The following GRIA4 variants were observed in gnomAD, a reference collection of about 807,000 sequenced individuals.
GRIA4 encodes the protein glutamate receptor 4.
In GRIA4, 34 loss-of-function variants were observed where a neutral mutation model predicts 104.0. That is an observed-to-expected ratio of 0.33 (90% CI 0.25 to 0.44). The LOEUF (loss-of-function observed/expected upper bound fraction) is 0.44. Among genes scored for constraint, GRIA4 ranks in the 20% least tolerant of loss-of-function variants. The pLI is 1.00. For missense variants in GRIA4, 750 were observed against 1,096.5 expected (o/e 0.68, Z 4.46); for synonymous variants, 386 against 381.9 (o/e 1.01, Z -0.13).
At chr11:105,632,597 T>G (rs1230433520) in intron 3 of GRIA4, among the ~76,000 whole-genome samples, 1 of 152,150 alleles carries the variant, frequency 6.6e-6, no homozygotes, top group East Asian at 1.9e-4. Flanking sequence ...CTTGCCTTGA[T>G]TTTACTAGAA....
rs532037151 is a variant in GRIA4 at position 105,973,154 on chromosome 11, G to A, written c.2409+1126G>A. On this transcript the variant is annotated intron_variant, in intron 15 of 16. Coordinates refer to ENST00000282499, the MANE Select transcript of GRIA4 (RefSeq NM_000829.4). ...TTTGAAAATGAAGTTACCCTAAAAT[G>A]TTTGGCCCAGTCAGTTGATGTTGTG... 2.6e-5 allele frequency among the ~76,000 whole-genome samples: 4 copies of A among 152,202 alleles called. No homozygotes were observed. The South Asian group carries it at 8.3e-4, about 32-fold the overall frequency.
chr11:105,912,789 ACCTATGATATCCCTCCAC>A (rs778545665), intron 10 of GRIA4: 44 of 982,856 alleles, frequency 4.5e-5, no homozygotes, highest in Admixed American at 1.2e-4. Flanking sequence ...GTAGTCCAGG[ACCTATGATATCCCTCCAC>A]TTCATTCATT....
At chr11:105,735,089 A>AATATG (rs1432028128) in intron 3 of GRIA4, among the ~76,000 whole-genome samples, 1 of 152,192 alleles carries the variant, frequency 6.6e-6, no homozygotes, top group Non-Finnish European at 1.5e-5. Flanking sequence ...CCTAAAATAC[A>AATATG]ATACGCAAAT....
chr11:105,787,760 A>G (rs1942038300), intron 4 of GRIA4, among the ~76,000 whole-genome samples: 2 of 152,150 alleles, frequency 1.3e-5, no homozygotes, highest in Admixed American at 1.3e-4. Flanking sequence ...GATGGGGGGA[A>G]TCACATAAGT....
At chr11:105,836,248 T>C (rs1457866592) in intron 4 of GRIA4, among the ~76,000 whole-genome samples, 1 of 152,042 alleles carries the variant, frequency 6.6e-6, no homozygotes, top group Non-Finnish European at 1.5e-5. Flanking sequence ...AAGTACTGGG[T>C]GCTGACTTGC....
chr11:105,644,441 A>C (rs1157872216), intron 3 of GRIA4, among the ~76,000 whole-genome samples: 1 of 150,654 alleles, frequency 6.6e-6, no homozygotes, highest in Non-Finnish European at 1.5e-5. Context: ...AAGATACAAA[A>C]AAAAAAAAAA....
chr11:105,718,531 C>T (rs1459216759), intron 3 of GRIA4, among the ~76,000 whole-genome samples: 2 of 152,138 alleles, frequency 1.3e-5, no homozygotes, highest in African/African-American at 2.4e-5. Flanking sequence ...ATTCAAAGAC[C>T]TTAAAACCCA....
rs1950606378 is a variant in GRIA4, at chr11:105,616,560, T to A, written c.247+4126T>A. Among the ~76,000 whole-genome samples the A allele has an allele frequency of 2.0e-5, 3 of 151,642 alleles. No homozygotes were observed. In the South Asian group the frequency reaches 6.2e-4, roughly 31 times the overall value. ...TTAAGTGTACTAAATAATATAATAT[T>A]TTTTTGTTTAATTCAACTATGTTTA... On this transcript the variant is annotated intron_variant, in intron 3 of 16. Transcript: ENST00000282499.
chr11:105,902,492 C>A (rs1409313612), intron 7 of GRIA4, among the ~76,000 whole-genome samples: 1 of 151,974 alleles, frequency 6.6e-6, no homozygotes, highest in Non-Finnish European at 1.5e-5. Context: ...CACAACCACG[C>A]CTGGCTAATG....
At chr11:105,882,558 T>C (rs1462836186) in intron 5 of GRIA4, among the ~76,000 whole-genome samples, 1 of 152,226 alleles carries the variant, frequency 6.6e-6, no homozygotes, top group Non-Finnish European at 1.5e-5. Context: ...TCTTTATTCA[T>C]TCCTTGAATC....
chr11:105,682,947 A>AT lies in GRIA4; in HGVS notation c.248-70029dup, dbSNP rs534255812. ...AAAAATATCCCTTAAGCCATCTATT[A>AT]TTTTTGATAGGTCAAATACATTCTA... On this transcript the variant is annotated intron_variant, in intron 3 of 16. Coordinates refer to ENST00000282499, the MANE Select transcript of GRIA4 (RefSeq NM_000829.4). Among the ~76,000 whole-genome samples the AT allele has an allele frequency of 2.0e-3, 306 of 152,330 alleles. 1 individual carries two copies. Among genetic ancestry groups the AT allele is most frequent in the African/African-American group, 7.1e-3 (296 of 41,586 alleles).
At chr11:105,662,636 C>A (rs1399840787) in intron 3 of GRIA4, among the ~76,000 whole-genome samples, 1 of 151,890 alleles carries the variant, frequency 6.6e-6, no homozygotes, top group East Asian at 1.9e-4. Context: ...CTTCTTTACT[C>A]ATTCTTTACT....
chr11:105,731,697 T>TA (rs1426333868), intron 3 of GRIA4, among the ~76,000 whole-genome samples: 1 of 151,820 alleles, frequency 6.6e-6, no homozygotes, highest in African/African-American at 2.4e-5. Flanking sequence ...TATACAGCCA[T>TA]AAAAAAAGAA....
chr11:105,709,347 G>T (rs560369434), intron 3 of GRIA4, among the ~76,000 whole-genome samples: 1 of 152,110 alleles, frequency 6.6e-6, no homozygotes, highest in South Asian at 2.1e-4. Context: ...GAATAATGTA[G>T]AAGGATGGAA....
intron 3 of GRIA4, among the ~76,000 whole-genome samples, chr11:105,658,207 T>G (rs1951901487): frequency 6.6e-6 from 1 of 151,844 alleles, no homozygotes; most frequent in African/African-American, 2.4e-5. Flanking sequence ...GTATAGAAAT[T>G]AATAAAATAC....
intron 3 of GRIA4, among the ~76,000 whole-genome samples, chr11:105,732,370 G>T (rs1938653843): frequency 6.6e-6 from 1 of 152,158 alleles, no homozygotes. Flanking sequence ...ATTAGAAGCT[G>T]CTGTTGTGTG....
chr11:105,943,434 C>T (rs1177156473), intron 14 of GRIA4, among the ~76,000 whole-genome samples: 1 of 151,880 alleles, frequency 6.6e-6, no homozygotes, highest in African/African-American at 2.4e-5. Flanking sequence ...TTTTTTAGAA[C>T]AAAACTTCTA....
intron 3 of GRIA4, among the ~76,000 whole-genome samples, chr11:105,682,044 A>T (rs1952727373): frequency 1.3e-5 from 2 of 151,146 alleles, no homozygotes; most frequent in African/African-American, 4.9e-5. Context: ...TGTCTAATAT[A>T]ATAATAATAA....
chr11:105,975,396 G>A (rs10895888), intron 16 of GRIA4, among the ~76,000 whole-genome samples: 42,534 of 151,502 alleles, frequency 0.28, 5,957 homozygotes, highest in Non-Finnish European at 0.29. Flanking sequence ...ATCCAGGTTA[G>A]CCCCACTTAC....
Sources: gnomAD v4.1 joint callset for allele counts (sites outside exome capture counted in the v4.1 genomes callset) on GRCh38, gnomAD v4.1.1 for gene constraint, MANE v1.5 for transcripts, NCBI Gene and HGNC (gene_info 2026-07-23, HGNC 2026-07-21) for gene names.